CD53: variants seen among roughly 807,000 people sequenced by gnomAD.
The protein encoded by CD53 is CD53 molecule.
A neutral mutation model predicts 27.3 loss-of-function variants in CD53; 20 were observed. The observed-to-expected ratio is 0.73, with a 90% confidence interval of 0.52 to 1.07. The LOEUF is 1.07. CD53 is among the 50% of genes least tolerant of loss of function. The probability of loss-of-function intolerance (pLI) is 0.00; values close to 1 mark genes in which losing one functional copy is unlikely to be tolerated. For synonymous variants in CD53, 106 were observed against 105.3 expected, an observed-to-expected ratio of 1.01 and a Z score of -0.04; for missense variants, 216 against 264.0, an observed-to-expected ratio of 0.82 and a Z score of 1.26.
chr1:110,899,056 A>G (rs1657191069), intron 7 of CD53, 68 bp from the exon 8 acceptor site: 2 of 1,213,692 alleles, frequency 1.6e-6, no homozygotes, highest in East Asian at 2.3e-5. Context: ...TCAGAGGCCA[A>G]TCCCAGGCAT....
chr1:110,877,299 C>T (rs540361940), intron 1 of CD53, among the ~76,000 whole-genome samples: 14 of 152,314 alleles, frequency 9.2e-5, no homozygotes, highest in African/African-American at 3.4e-4. Context: ...GGAATACCAA[C>T]AAAGTGGCTT....
intron 1 of CD53, among the ~76,000 whole-genome samples, chr1:110,876,371 A>C (rs1656130864): frequency 6.6e-6 from 1 of 152,200 alleles, no homozygotes; most frequent in African/African-American, 2.4e-5. Flanking sequence ...ATAAATTCCT[A>C]GTGCATTTTA....
intron 1 of CD53, among the ~76,000 whole-genome samples, chr1:110,888,891 A>C (rs1228540266): frequency 2.0e-5 from 3 of 152,206 alleles, no homozygotes; most frequent in African/African-American, 7.2e-5. Context: ...AGGGGACTAC[A>C]TTCATTTGAA....
At chr1:110,891,659 T>C (rs1033908970) in intron 2 of CD53, among the ~76,000 whole-genome samples, 188 bp downstream of exon 2, 1 of 152,124 alleles carries the variant, frequency 6.6e-6, no homozygotes. Flanking sequence ...ACCTGCAAAA[T>C]TGAAAGGTAC....
upstream of CD53, among the ~76,000 whole-genome samples, chr1:110,871,542 G>A (rs570834195): frequency 6.6e-6 from 1 of 152,230 alleles, no homozygotes; most frequent in African/African-American, 2.4e-5. Context: ...GTGCCTGGGA[G>A]AGAGTGGAGC....
intron 1 of CD53, among the ~76,000 whole-genome samples, chr1:110,888,761 T>C (rs1656730038): frequency 6.6e-6 from 1 of 152,270 alleles, no homozygotes; most frequent in Non-Finnish European, 1.5e-5. Flanking sequence ...CTTTTTGTAC[T>C]AAGTGTATAT....
At chr1:110,884,016 T>C (rs1168404795) in intron 1 of CD53, among the ~76,000 whole-genome samples, 1 of 152,018 alleles carries the variant, frequency 6.6e-6, no homozygotes, top group Non-Finnish European at 1.5e-5. Context: ...GTTTAATTGA[T>C]TTCAGTGCTT....
rs79222790 is a variant in CD53, at chr1:110,896,661, T to C, written c.432T>C (p.Cys144=). The C allele has an allele frequency of 5.1e-4, 815 of 1,613,138 alleles. 7 individuals are homozygous for C. In the African/African-American group the frequency reaches 9.9e-3, roughly 20 times the overall value. The change falls in exon 6 of 8, where the codon TGT becomes TGC. Residue 144 remains cysteine (C), a synonymous_variant. Transcript: ENST00000271324. ...AWDSIQSFLQ[C]CGINGTSDWT... is the part of the protein sequence containing the mutation. ...GGGGGTTTGGCTTTTAGCTGCAGTG[T>C]TGTGGTATAAATGGCACGAGTGATT...
intron 1 of CD53, among the ~76,000 whole-genome samples, chr1:110,887,058 G>GTTTATTTTATTTTAT (rs71096370): frequency 0.019 from 2,730 of 146,712 alleles, 35 homozygotes; most frequent in African/African-American, 0.03. Context: ...CTCTATTTAT[G>GTTTATTTTATTTTAT]TTTATTTTAT....
At chr1:110,885,411 G>A (rs1297114066) in intron 1 of CD53, among the ~76,000 whole-genome samples, 1 of 152,170 alleles carries the variant, frequency 6.6e-6, no homozygotes, top group Admixed American at 6.5e-5. Flanking sequence ...GGTGGCAGGC[G>A]CCTGTAGTCC....
chr1:110,882,783 C>G (rs1284991597), intron 1 of CD53, among the ~76,000 whole-genome samples: 1 of 151,936 alleles, frequency 6.6e-6, no homozygotes, highest in Non-Finnish European at 1.5e-5. Context: ...TCTTTCACAA[C>G]TTTTGTCAGA....
rs144958522 is a variant in CD53 at position 110,897,774 on chromosome 1, AGAG to A, written c.505-34_505-32del. 9.0e-5 allele frequency: 112 copies of A among 1,251,212 alleles called. No homozygotes were observed. The African/African-American group carries it at 1.5e-3, about 17-fold the overall frequency. The allele number at this position is 1,251,212 out of a possible 1,614,324, so 77.5% of individuals were successfully genotyped here. ...CTTCCTCTTGATATGGTGGAATTAT[AGAG>A]TAGTATCATTTGTAACTGAAATGTC... On this transcript the variant is annotated intron_variant, in intron 6 of 7. Coordinates refer to ENST00000271324, the MANE Select transcript of CD53 (RefSeq NM_000560.4).
In CD53 at chr1:110,894,399, A is replaced by G. The variant is rs1418330266; in HGVS notation, c.325A>G (p.Lys109Glu). Residue 109 changes from lysine to glutamate, a missense_variant and splice_region_variant, in exon 4 of 8, where the codon AAG (lysine) becomes GAG (glutamate). Lys to Glu is a moderately conservative substitution (Grantham distance 56, BLOSUM62 1). Coordinates refer to ENST00000271324, the MANE Select transcript of CD53 (RefSeq NM_000560.4). ...CATCCTGCTCTTTGTATATGAACAG[A>G]AGGTAAGTTATAAAGACAACAACTT... ...LAILLFVYEQ[K>E]LNEYVAKGLT... is the part of the protein sequence containing the mutation. 1 of 1,611,302 alleles carries G rather than the reference A, an allele frequency of 6.2e-7. No individual in the cohort carries two copies. The highest frequency in any genetic ancestry group is 2.2e-5 in the East Asian group (1 of 44,862).
At chr1:110,891,331 C>G in intron 1 of CD53, 61 bp from the exon 2 acceptor site, 1 of 1,152,228 alleles carries the variant, frequency 8.7e-7, no homozygotes, top group Non-Finnish European at 1.3e-6. Context: ...CATTTGTGCA[C>G]TCTGATCTCT....
At chr1:110,895,319 C>T (rs922397806) in intron 5 of CD53, among the ~76,000 whole-genome samples, 3 of 152,196 alleles carry the variant, frequency 2.0e-5, no homozygotes, top group African/African-American at 7.2e-5. Flanking sequence ...AAGACCCAAA[C>T]ACAGCAAACT....
chr1:110,879,634 T>C (rs964881502), intron 1 of CD53, among the ~76,000 whole-genome samples: 1 of 152,206 alleles, frequency 6.6e-6, no homozygotes, highest in East Asian at 1.9e-4. Context: ...ATGGTCTATG[T>C]AGCACCAAAG....
intron 1 of CD53, among the ~76,000 whole-genome samples, chr1:110,875,729 T>C (rs980782705): frequency 6.6e-6 from 1 of 152,092 alleles, no homozygotes; most frequent in Non-Finnish European, 1.5e-5. Context: ...AACAGACAGC[T>C]ATGCAGAGCA....
intron 5 of CD53, among the ~76,000 whole-genome samples, chr1:110,896,047 T>C (rs1187210887): frequency 1.3e-5 from 2 of 152,242 alleles, no homozygotes; most frequent in African/African-American, 4.8e-5. Context: ...TGTGTTTATA[T>C]TTGAATGATA....
upstream of CD53, among the ~76,000 whole-genome samples, chr1:110,872,670 C>T (rs61803955): frequency 0.015 from 2,258 of 152,244 alleles, 24 homozygotes; most frequent in Middle Eastern, 0.031. Flanking sequence ...TGAAGCCAGA[C>T]AGAGGGAGTA....
Sources: allele counts gnomAD v4.1 joint callset (sites outside exome capture counted in the v4.1 genomes callset), GRCh38; gene constraint gnomAD v4.1.1; transcripts MANE v1.5; gene names NCBI Gene and HGNC (gene_info 2026-07-23, HGNC 2026-07-21).